Variants in LRP1B observed in about 807,000 individuals in gnomAD.
The protein encoded by LRP1B is low-density lipoprotein receptor-related protein 1B.
Under a neutral mutation model 556.6 loss-of-function variants are expected in LRP1B, and 217 were observed. That is an observed-to-expected ratio of 0.39 (90% confidence interval 0.35 to 0.44). The LOEUF (loss-of-function observed/expected upper bound fraction) is 0.44. LRP1B is among the 20% of genes least tolerant of loss of function. LRP1B has a pLI of 1.00. For missense variants in LRP1B, 5,053 were observed against 5,620.8 expected (o/e 0.90, Z 3.23); for synonymous variants, 2,047 against 1,865.8 (o/e 1.10, Z -2.50).
In LRP1B at chr2:141,015,685, T is replaced by G. The variant is rs1175512794; in HGVS notation, c.2190+11A>C. 2 of 1,596,460 alleles carry G rather than the reference T, an allele frequency of 1.3e-6. No homozygotes were observed. The highest frequency in any genetic ancestry group is 1.7e-6 in the Non-Finnish European group (2 of 1,165,204). On this transcript the variant is annotated intron_variant, in intron 13 of 90. Coordinates refer to ENST00000389484, the MANE Select transcript of LRP1B (RefSeq NM_018557.3). ...GCCTGTGGGTTAAAAACAGCAGCAT[T>G]TGTCTTTTACCTTCCTGTGAGTCCC...
At chr2:142,109,956 T>C (rs1434165535) in intron 1 of LRP1B, among the ~76,000 whole-genome samples, 1 of 152,136 alleles carries the variant, frequency 6.6e-6, no homozygotes, top group Non-Finnish European at 1.5e-5. Flanking sequence ...AAAGTGATGC[T>C]TGGTTTGGTT....
intron 25 of LRP1B, 118 bp downstream of exon 25, chr2:140,883,699 A>C: frequency 2.0e-6 from 1 of 509,932 alleles, no homozygotes. Flanking sequence ...ACACACACAC[A>C]TACATGGGCA....
intron 2 of LRP1B, among the ~76,000 whole-genome samples, chr2:141,803,859 A>T (rs547849552): frequency 2.5e-4 from 38 of 152,282 alleles, no homozygotes; most frequent in African/African-American, 7.7e-4. Context: ...TCCAAGGGGA[A>T]AGGTCAGTGT....
chr2:140,824,496 C>T (rs912326794), intron 31 of LRP1B, among the ~76,000 whole-genome samples: 4 of 151,938 alleles, frequency 2.6e-5, no homozygotes, highest in African/African-American at 9.7e-5. Flanking sequence ...AATGAGAGCC[C>T]AGTGGCCACA....
chr2:141,041,252 G>C lies in LRP1B; in HGVS notation c.1789+7734C>G, dbSNP rs137911552. Among the ~76,000 whole-genome samples the C allele has an allele frequency of 2.4e-3, 369 of 152,220 alleles. 1 individual carries two copies. The highest frequency in any genetic ancestry group is 8.4e-3 in the African/African-American group (347 of 41,556). On this transcript the variant is annotated intron_variant, in intron 11 of 90. Transcript: ENST00000389484. ...GGGGGTAGGAGCACAGACTCTGCCA[G>C]TTTCCTATTGTTGCTGTAACAAATT...
intron 67 of LRP1B, among the ~76,000 whole-genome samples, 188 bp from the exon 68 acceptor site, chr2:140,378,474 T>C (rs1683333519): frequency 6.6e-6 from 1 of 152,208 alleles, no homozygotes; most frequent in Non-Finnish European, 1.5e-5. Flanking sequence ...TCCAATTTAT[T>C]TTTAAAGTCA....
chr2:141,326,667 G>C (rs576029438), intron 3 of LRP1B, among the ~76,000 whole-genome samples: 1 of 152,230 alleles, frequency 6.6e-6, no homozygotes, highest in East Asian at 1.9e-4. Flanking sequence ...CTCTCATGTA[G>C]TAGATGAAGG....
chr2:140,478,974 T>A (rs1465640427), intron 59 of LRP1B, among the ~76,000 whole-genome samples: 3 of 152,110 alleles, frequency 2.0e-5, no homozygotes, highest in African/African-American at 7.2e-5. Context: ...ATTGTATGTA[T>A]CTTTGAATAT....
chr2:141,291,879 A>G (rs1172101290), intron 3 of LRP1B, among the ~76,000 whole-genome samples: 3 of 115,752 alleles, frequency 2.6e-5, no homozygotes, highest in South Asian at 5.8e-4. Flanking sequence ...AAAAAAAAAA[A>G]AAAAAAAAAA....
intron 2 of LRP1B, among the ~76,000 whole-genome samples, chr2:141,571,775 G>A (rs891732798): frequency 3.3e-5 from 5 of 151,846 alleles, no homozygotes; most frequent in Admixed American, 1.3e-4. Context: ...CAAGATCTTC[G>A]TAAATTATAC....
At chr2:141,480,206 G>C (rs201121708) in intron 3 of LRP1B, among the ~76,000 whole-genome samples, 190 bp downstream of exon 3, 1 of 150,732 alleles carries the variant, frequency 6.6e-6, no homozygotes, top group East Asian at 1.9e-4. Context: ...GTCTAATGGT[G>C]TTTTTTTGCT....
chr2:141,482,955 T>A (rs1682977177), intron 2 of LRP1B, among the ~76,000 whole-genome samples: 2 of 151,050 alleles, frequency 1.3e-5, no homozygotes, highest in South Asian at 4.1e-4. Flanking sequence ...TTGTTTTGTT[T>A]TTTTATTTTA....
intron 66 of LRP1B, among the ~76,000 whole-genome samples, chr2:140,421,126 C>T (rs1685423020): frequency 1.3e-5 from 2 of 151,846 alleles, no homozygotes; most frequent in African/African-American, 2.4e-5. Context: ...GATGGTGGTG[C>T]GTGTCTGTAG....
At chr2:141,745,406 C>A (rs1341200983) in intron 2 of LRP1B, among the ~76,000 whole-genome samples, 1 of 152,142 alleles carries the variant, frequency 6.6e-6, no homozygotes, top group Non-Finnish European at 1.5e-5. Context: ...TGCAGTCCTT[C>A]CTACTCTTCC....
At chr2:141,526,897 A>C (rs1469145348) in intron 2 of LRP1B, among the ~76,000 whole-genome samples, 1 of 152,102 alleles carries the variant, frequency 6.6e-6, no homozygotes, top group Non-Finnish European at 1.5e-5. Flanking sequence ...TGCCATGTGT[A>C]TGTGTACATT....
intron 3 of LRP1B, among the ~76,000 whole-genome samples, chr2:141,449,980 GTTCT>G (rs1311881287): frequency 2.6e-5 from 4 of 152,122 alleles, no homozygotes; most frequent in Non-Finnish European, 5.9e-5. Context: ...ATTGTCAAAT[GTTCT>G]TTGAGTTGCA....
chr2:140,354,404 C>A (rs1290756918), intron 75 of LRP1B, among the ~76,000 whole-genome samples: 1 of 152,002 alleles, frequency 6.6e-6, no homozygotes, highest in African/African-American at 2.4e-5. Flanking sequence ...TTCATGACCA[C>A]ACATTGCTAT....
At chr2:140,542,826 C>T (rs562240109) in intron 43 of LRP1B, among the ~76,000 whole-genome samples, 1 of 152,232 alleles carries the variant, frequency 6.6e-6, no homozygotes, top group South Asian at 2.1e-4. Flanking sequence ...TGAAAAGAGT[C>T]ATCCTGGAGC....
At chr2:141,228,681 A>G (rs1194348103) in intron 6 of LRP1B, among the ~76,000 whole-genome samples, 1 of 152,096 alleles carries the variant, frequency 6.6e-6, no homozygotes. Flanking sequence ...AGTTTCTGAC[A>G]TGAGAAGTCA....
Sources: gnomAD v4.1 joint callset for allele counts (sites outside exome capture counted in the v4.1 genomes callset) on GRCh38, gnomAD v4.1.1 for gene constraint, MANE v1.5 for transcripts, NCBI Gene and HGNC (gene_info 2026-07-23, HGNC 2026-07-21) for gene names.